ME1: variants seen among roughly 807,000 people sequenced by gnomAD.
The protein encoded by ME1 is malic enzyme 1.
A neutral mutation model predicts 66.4 loss-of-function variants in ME1; 74 were observed. The observed-to-expected ratio is 1.11, with a 90% CI of 0.92 to 1.35. ME1 has a LOEUF of 1.35. ME1 is among the 40% of genes most tolerant of loss of function. The pLI is 0.00. For synonymous variants in ME1, 251 were observed against 235.6 expected (o/e 1.07, Z -0.60); for missense variants, 750 against 694.1 (o/e 1.08, Z -0.90).
At chr6:83,298,271 G>A (rs139145241) in intron 6 of ME1, among the ~76,000 whole-genome samples, 8,361 of 152,186 alleles carry the variant, frequency 0.055, 770 homozygotes, top group African/African-American at 0.19. Context: ...GGCATGAGAT[G>A]GTATCTCATT....
intron 3 of ME1, among the ~76,000 whole-genome samples, chr6:83,385,309 A>G (rs1013198913): frequency 5.3e-5 from 8 of 151,988 alleles, no homozygotes; most frequent in African/African-American, 1.7e-4. Flanking sequence ...CCTTAAAAAC[A>G]AATACTCTTT....
chr6:83,364,737 CATCTATCT>C (rs67402469), intron 3 of ME1, among the ~76,000 whole-genome samples: 3 of 151,912 alleles, frequency 2.0e-5, no homozygotes, highest in Non-Finnish European at 2.9e-5. Flanking sequence ...ATCTATCTGT[CATCTATCT>C]ATCTATCTAT....
At chr6:83,273,690 G>A (rs1383353115) in intron 6 of ME1, among the ~76,000 whole-genome samples, 2 of 152,102 alleles carry the variant, frequency 1.3e-5, no homozygotes, top group Non-Finnish European at 2.9e-5. Flanking sequence ...GACAAATCAG[G>A]TAAAATCATT....
intron 5 of ME1, among the ~76,000 whole-genome samples, chr6:83,325,150 A>C (rs1477865076): frequency 6.6e-6 from 1 of 152,192 alleles, no homozygotes; most frequent in Non-Finnish European, 1.5e-5. Context: ...AAAGGCCTTC[A>C]ATAAAATTCA....
intron 6 of ME1, among the ~76,000 whole-genome samples, chr6:83,262,604 C>T (rs1766919208): frequency 6.6e-6 from 1 of 152,106 alleles, no homozygotes; most frequent in African/African-American, 2.4e-5. Context: ...GTCACATATT[C>T]AGCAGAAAAG....
In ME1 at chr6:83,358,828, T is replaced by C. The variant is rs1051177335; in HGVS notation, c.363-6689A>G. ...AACCCTGCGCTACCTGAGGCAACAG[T>C]GATGGCCTCCCCTGAGGCAGTTGCC... On this transcript the variant is annotated intron_variant, in intron 3 of 13. Transcript: ENST00000369705. Among the ~76,000 whole-genome samples the C allele has an allele frequency of 6.6e-5, 10 of 152,018 alleles. No individual in the cohort carries two copies. In the East Asian group the frequency reaches 1.9e-3, roughly 29 times the overall value.
intron 5 of ME1, among the ~76,000 whole-genome samples, chr6:83,338,057 ATC>A: frequency 1.6e-4 from 1 of 6,426 alleles, no homozygotes; most frequent in Non-Finnish European, 2.4e-4. Flanking sequence ...ATGATTGTTT[ATC>A]TAGAAAACCC....
intron 5 of ME1, among the ~76,000 whole-genome samples, chr6:83,322,913 G>A (rs1236579069): frequency 6.6e-6 from 1 of 152,172 alleles, no homozygotes; most frequent in Non-Finnish European, 1.5e-5. Flanking sequence ...GAGAAGGGTT[G>A]GGTTATCCAC....
At chr6:83,293,277 A>C (rs2128535251) in intron 6 of ME1, among the ~76,000 whole-genome samples, 1 of 152,272 alleles carries the variant, frequency 6.6e-6, no homozygotes, top group South Asian at 2.1e-4. Context: ...CCATCTTGGA[A>C]GTGACCTCCA....
intron 5 of ME1, among the ~76,000 whole-genome samples, chr6:83,318,980 A>T (rs1487923245): frequency 6.9e-6 from 1 of 144,076 alleles, no homozygotes; most frequent in African/African-American, 2.6e-5. Context: ...GCCATAAAAA[A>T]TGATGAGTTC....
intron 6 of ME1, among the ~76,000 whole-genome samples, chr6:83,306,390 T>C (rs1767824983): frequency 6.6e-6 from 1 of 152,016 alleles, no homozygotes; most frequent in South Asian, 2.1e-4. Context: ...TTATCTTTAA[T>C]AATCTAATAA....
chr6:83,226,955 CA>C (rs1790207746), intron 11 of ME1, among the ~76,000 whole-genome samples: 1 of 152,036 alleles, frequency 6.6e-6, no homozygotes, highest in South Asian at 2.1e-4. Flanking sequence ...TTTAGCAAAG[CA>C]AAAATAAGGT....
chr6:83,408,005 A>G (rs1017330581), intron 1 of ME1, 104 bp from the exon 2 acceptor site: 1 of 1,329,124 alleles, frequency 7.5e-7, no homozygotes, highest in African/African-American at 1.5e-5. Flanking sequence ...AAAAATCCGA[A>G]GTCTGCGTCA....
At chr6:83,406,971 T>TACACACAC (rs59788379) in intron 2 of ME1, among the ~76,000 whole-genome samples, 2,585 of 143,922 alleles carry the variant, frequency 0.018, 56 homozygotes, top group East Asian at 0.099. Flanking sequence ...TTTTCATTCA[T>TACACACAC]ACACACACAC....
At chr6:83,213,473 C>T (rs1214286879) in intron 13 of ME1, among the ~76,000 whole-genome samples, 1 of 151,854 alleles carries the variant, frequency 6.6e-6, no homozygotes, top group Non-Finnish European at 1.5e-5. Context: ...AAAAAACAAG[C>T]GATTCTCCTG....
At chr6:83,411,023 A>C (rs1399953944) in intron 1 of ME1, among the ~76,000 whole-genome samples, 1 of 152,232 alleles carries the variant, frequency 6.6e-6, no homozygotes, top group East Asian at 1.9e-4. Context: ...AACAGCAACA[A>C]AACCTAGGGC....
intron 3 of ME1, among the ~76,000 whole-genome samples, chr6:83,353,291 G>A (rs1768833504): frequency 6.6e-6 from 1 of 152,116 alleles, no homozygotes; most frequent in Non-Finnish European, 1.5e-5. Flanking sequence ...TCCTTTTTGT[G>A]ATGTTAGTAG....
intron 3 of ME1, chr6:83,393,244 T>C (rs755316497): frequency 1.7e-6 from 2 of 1,149,850 alleles, no homozygotes; most frequent in Non-Finnish European, 2.6e-6. Context: ...GAGCACCAGG[T>C]GGTCTCCTCC....
rs1007164313 is a variant in ME1 at position 83,349,003 on chromosome 6, A to T, written c.439-2669T>A. On this transcript the variant is annotated intron_variant, in intron 4 of 13. Transcript: ENST00000369705. ...CTGTCTCAAAAAAAAAAAAAAAAAC[A>T]AAAAACAAAAAACAGTGCATTCTTT... Among the ~76,000 whole-genome samples the T allele has an allele frequency of 3.1e-4, 45 of 143,480 alleles. 1 individual carries two copies. Among genetic ancestry groups the T allele is most frequent in the Non-Finnish European group, 6.0e-4 (40 of 66,478 alleles). The allele number at this position is 143,480 out of a possible 152,430, so 94.1% of individuals were successfully genotyped here. A position where few individuals can be genotyped will look rare whatever the true frequency, so the allele number is the denominator to read the frequency against.
Sources: gnomAD v4.1 joint callset for allele counts (sites outside exome capture counted in the v4.1 genomes callset) on GRCh38, gnomAD v4.1.1 for gene constraint, MANE v1.5 for transcripts, NCBI Gene and HGNC (gene_info 2026-07-23, HGNC 2026-07-21) for gene names.